Variants in ZNF217 observed in about 807,000 individuals in gnomAD.
The protein encoded by ZNF217 is zinc finger protein 217.
ZNF217 carries 12 observed loss-of-function variants against 73.3 expected under a neutral mutation model. That is an observed-to-expected ratio of 0.16 (90% CI 0.10 to 0.27). ZNF217 has a LOEUF of 0.27. ZNF217 is among the 10% of genes least tolerant of loss of function. The pLI, the probability that ZNF217 is intolerant of heterozygous loss-of-function variation, is 1.00. For missense variants in ZNF217, 1,195 were observed against 1,327.8 expected (o/e 0.90, Z 1.55); for synonymous variants, 588 against 516.4 (o/e 1.14, Z -1.88).
chr20:53,575,735 G>A lies in ZNF217; in HGVS notation c.3029C>T (p.Thr1010Met), dbSNP rs140333644. 4.4e-6 allele frequency: 7 copies of A among 1,577,826 alleles called. No homozygotes were observed. Among genetic ancestry groups the A allele is most frequent in the Non-Finnish European group, 4.3e-6 (5 of 1,163,094 alleles). Residue 1010 changes from threonine to methionine, a missense_variant, in exon 4 of 6, where the codon ACG becomes ATG. Thr to Met is a moderately conservative substitution (Grantham distance 81, BLOSUM62 -1). Transcript: ENST00000371471. Reference protein sequence around the residue: ...VPAGSPASSSTLEGKRPVSYQ... With the variant: ...VPAGSPASSSMLEGKRPVSYQ... ...CGCCCCTCATGCAATACCTTCTAACGTCGAGCTGGATGCTGGACTACCAGC... is the reference window on the plus strand; with the variant it reads ...CGCCCCTCATGCAATACCTTCTAACATCGAGCTGGATGCTGGACTACCAGC...
upstream of ZNF217, among the ~76,000 whole-genome samples, chr20:53,594,387 C>A (rs1989000069): frequency 6.7e-6 from 1 of 150,290 alleles, no homozygotes; most frequent in East Asian, 1.9e-4. Context: ...CCCCACACCG[C>A]CCCGGCCCCG....
chr20:53,594,152 G>A (rs1204569244), upstream of ZNF217, among the ~76,000 whole-genome samples: 1 of 151,430 alleles, frequency 6.6e-6, no homozygotes, highest in Non-Finnish European at 1.5e-5. Context: ...GCGCACGGGG[G>A]CAAAGGCGCG....
At chr20:53,579,079 G>A (rs984819018) in intron 2 of ZNF217, among the ~76,000 whole-genome samples, 3 of 152,190 alleles carry the variant, frequency 2.0e-5, no homozygotes, top group Non-Finnish European at 4.4e-5. Flanking sequence ...TCATGTGGGC[G>A]AAAGAGATCT....
intron 1 of ZNF217, among the ~76,000 whole-genome samples, chr20:53,590,747 T>C (rs943017601): frequency 1.3e-5 from 2 of 152,158 alleles, no homozygotes; most frequent in Admixed American, 1.3e-4. Context: ...ATAATAAATG[T>C]TGTTAAGAGA....
At chr20:53,595,395 A>G (rs1262654631), upstream of ZNF217, among the ~76,000 whole-genome samples, 1 of 152,232 alleles carries the variant, frequency 6.6e-6, no homozygotes, top group Non-Finnish European at 1.5e-5. Flanking sequence ...TAAAATATCT[A>G]TTTCCTAAAT....
At chr20:53,594,042 C>T (rs1044827374), upstream of ZNF217, among the ~76,000 whole-genome samples, 1 of 150,932 alleles carries the variant, frequency 6.6e-6, no homozygotes, top group Non-Finnish European at 1.5e-5. Context: ...CAAGACCCCC[C>T]CCCAACAAAA....
upstream of ZNF217, chr20:53,593,876 G>A (rs1027011576): frequency 5.3e-5 from 8 of 150,770 alleles, no homozygotes; most frequent in Non-Finnish European, 7.4e-5. Flanking sequence ...GGGCGGGGAG[G>A]GCGGAGGGAG....
rs2145911084 is a variant in ZNF217 at position 53,567,432 on chromosome 20, T to C, written c.*1856A>G. On this transcript the variant is annotated 3_prime_UTR_variant, in exon 6 of 6. Transcript: ENST00000371471. ...TCTGAAAGCCCAAAAAATTCCAGCA[T>C]AATACAAATCGACTTGTTTTCAAAT... The C allele has an allele frequency of 6.5e-6, 1 of 152,724 alleles. No homozygotes were observed. The highest frequency in any genetic ancestry group is 2.1e-4 in the South Asian group (1 of 4,832). 9.5% of individuals were successfully genotyped at this position (152,724 alleles called of 1,614,324 possible). A position where few individuals can be genotyped will look rare whatever the true frequency, so the allele number is the denominator to read the frequency against.
Position 53,581,397 on chromosome 20 carries a change from GGGGGAGAC to G in ZNF217, c.1366+56_1366+63del. Reference sequence around the variant, plus strand: ...CGTTGTCTGGAGATGGGAATAGAGAGGGGGAGACGGGGAGACAGACAGACACAGGCGGA... The same window carrying G: ...CGTTGTCTGGAGATGGGAATAGAGAGGGGGAGACAGACAGACACAGGCGGA... On this transcript the variant is annotated intron_variant, in intron 2 of 5. Transcript: ENST00000371471. This position sits in a 1 kb window ranked among gnomAD's most constrained non-coding sequence, Gnocchi z 4.9. 6.6e-7 allele frequency: 1 copy of G among 1,526,006 alleles called. No homozygotes were observed. Among genetic ancestry groups the G allele is most frequent in the Non-Finnish European group, 8.8e-7 (1 of 1,139,980 alleles). 94.5% of individuals were successfully genotyped at this position (1,526,006 alleles called of 1,614,324 possible).
chr20:53,593,538 G>A (rs1037059172), intron 1 of ZNF217, among the ~76,000 whole-genome samples: 2 of 151,804 alleles, frequency 1.3e-5, no homozygotes, highest in Non-Finnish European at 2.9e-5. Flanking sequence ...AGCGGATGCA[G>A]CCCGGGATCG....
In ZNF217 at chr20:53,568,747, GT is replaced by G. The variant is rs1357129347; in HGVS notation, c.*540del. 6.7e-6 allele frequency: 1 copy of G among 150,102 alleles called. No individual in the cohort carries two copies. Among genetic ancestry groups the G allele is most frequent in the Admixed American group, 6.6e-5 (1 of 15,068 alleles). The allele number at this position is 150,102 out of a possible 1,614,324, so 9.3% of individuals were successfully genotyped here. ...TCAACATAATACAAAATCATTGACA[GT>G]TTAAAAAAAAAAAAACATACATTTT... On this transcript the variant is annotated 3_prime_UTR_variant, in exon 6 of 6. Coordinates refer to ENST00000371471, the MANE Select transcript of ZNF217 (RefSeq NM_006526.3).
chr20:53,583,091 C>T lies in ZNF217; in HGVS notation c.-265G>A. ...TGAATCAGCACAAAGCATTAGTTCT[C>T]TTTGTCTCCATTGAATGAGTGTTTC... On this transcript the variant is annotated 5_prime_UTR_variant, in exon 2 of 6. Transcript: ENST00000371471. The T allele has an allele frequency of 2.3e-6, 1 of 430,670 alleles. No homozygotes were observed. The highest frequency in any genetic ancestry group is 4.1e-6 in the Non-Finnish European group (1 of 243,954). The allele number at this position is 430,670 out of a possible 1,614,324, so 26.7% of individuals were successfully genotyped here.
chr20:53,570,657 G>C (rs890085214), intron 5 of ZNF217, among the ~76,000 whole-genome samples: 3 of 152,168 alleles, frequency 2.0e-5, no homozygotes, highest in Non-Finnish European at 2.9e-5. Flanking sequence ...AGCCTTACGG[G>C]ACGGCGGTGC....
chr20:53,575,235 T>C (rs1988204084), intron 4 of ZNF217: 2 of 152,584 alleles, frequency 1.3e-5, no homozygotes, highest in South Asian at 2.1e-4. Context: ...TAGTCTAAGA[T>C]ACTTGGGAGG....
intron 4 of ZNF217, among the ~76,000 whole-genome samples, chr20:53,572,101 G>A (rs139036132): frequency 1.4e-4 from 21 of 152,106 alleles, no homozygotes; most frequent in African/African-American, 4.3e-4. Context: ...TTAAAAAGCC[G>A]GAAAAAAATG....
At chr20:53,585,256 C>T (rs1326809264) in intron 1 of ZNF217, among the ~76,000 whole-genome samples, 2 of 152,036 alleles carry the variant, frequency 1.3e-5, no homozygotes, top group African/African-American at 4.8e-5. Context: ...TCTACAGTCT[C>T]GGGATTAGAA....
intron 3 of ZNF217, among the ~76,000 whole-genome samples, chr20:53,577,874 G>A (rs189590365): frequency 1.3e-5 from 2 of 152,220 alleles, no homozygotes; most frequent in African/African-American, 2.4e-5. Context: ...CACTATGGGA[G>A]GCCAAGGTGA....
At chr20:53,585,075 T>A (rs1477551843) in intron 1 of ZNF217, among the ~76,000 whole-genome samples, 1 of 59,684 alleles carries the variant, frequency 1.7e-5, no homozygotes, top group Non-Finnish European at 3.1e-5. Context: ...TTTAGCAAAA[T>A]CAAAGTTCAG....
intron 2 of ZNF217, among the ~76,000 whole-genome samples, chr20:53,580,571 A>G (rs373559309): frequency 6.6e-6 from 1 of 152,234 alleles, no homozygotes; most frequent in African/African-American, 2.4e-5. Context: ...TTTGCCCTAG[A>G]TAACGCCCAC....
Sources: allele counts gnomAD v4.1 joint callset (sites outside exome capture counted in the v4.1 genomes callset), GRCh38; gene constraint gnomAD v4.1.1; non-coding constraint Gnocchi (gnomAD v3.1); transcripts MANE v1.5; gene names NCBI Gene and HGNC (gene_info 2026-07-23, HGNC 2026-07-21).